HP1BP3: variants seen among roughly 807,000 people sequenced by gnomAD.
HP1BP3 encodes the protein heterochromatin protein 1-binding protein 3.
A neutral mutation model predicts 62.5 loss-of-function variants in HP1BP3; 12 were observed. The ratio of observed to expected loss-of-function variants is 0.19; its 90% confidence interval spans 0.12 to 0.31. The LOEUF is 0.31. Ranked by LOEUF, HP1BP3 falls within the 10% of genes least tolerant of loss-of-function variation. HP1BP3 has a pLI of 1.00. For synonymous variants in HP1BP3, 260 were observed against 237.8 expected (o/e 1.09, Z -0.86); for missense variants, 502 against 651.8 (o/e 0.77, Z 2.50).
chr1:20,744,539 G>A lies in HP1BP3; in HGVS notation c.*258C>T, dbSNP rs935169555. ...GGGGGTTGGGGGAGGCAGAGAAAAA[G>A]GACAAGTATACATTACATAGTTTAG... On this transcript the variant is annotated 3_prime_UTR_variant, in exon 13 of 13. Transcript: ENST00000438032. The A allele has an allele frequency of 2.8e-5, 9 of 319,710 alleles. No individual in the cohort carries two copies. Among genetic ancestry groups the A allele is most frequent in the Admixed American group, 9.5e-5 (2 of 21,092 alleles). The allele number at this position is 319,710 out of a possible 1,614,324, so 19.8% of individuals were successfully genotyped here. A position where few individuals can be genotyped will look rare whatever the true frequency, so the allele number is the denominator to read the frequency against.
intron 1 of HP1BP3, among the ~76,000 whole-genome samples, chr1:20,780,841 A>G (rs1214435002): frequency 6.6e-6 from 1 of 152,238 alleles, no homozygotes; most frequent in Admixed American, 6.5e-5. Context: ...GGAACTTAGA[A>G]GGATAGAATA....
chr1:20,747,734 T>C (rs1224261795), intron 10 of HP1BP3, 79 bp from the exon 11 acceptor site: 4 of 785,816 alleles, frequency 5.1e-6, no homozygotes, highest in Non-Finnish European at 8.7e-6. Flanking sequence ...CAGATGCCCA[T>C]CAATTTAATA....
intron 8 of HP1BP3, among the ~76,000 whole-genome samples, chr1:20,758,262 C>T (rs1371150574): frequency 6.6e-6 from 1 of 152,162 alleles, no homozygotes; most frequent in African/African-American, 2.4e-5. Flanking sequence ...GTAAGAATAA[C>T]ATTAGTTGAA....
chr1:20,746,983 C>T (rs935839228), intron 11 of HP1BP3, among the ~76,000 whole-genome samples: 2 of 152,148 alleles, frequency 1.3e-5, no homozygotes, highest in African/African-American at 4.8e-5. Flanking sequence ...ACCACTGCTC[C>T]AGCCTGGGCG....
chr1:20,745,700 A>G, intron 11 of HP1BP3, 44 bp from the exon 12 acceptor site: 1 of 1,603,294 alleles, frequency 6.2e-7, no homozygotes, highest in Non-Finnish European at 8.5e-7. Flanking sequence ...CCCATATAAA[A>G]CAAGAAAAAT....
chr1:20,744,490 G>A lies in HP1BP3; in HGVS notation c.*307C>T. 1 of 233,384 alleles carries A rather than the reference G, an allele frequency of 4.3e-6. No homozygotes were observed. Among genetic ancestry groups the A allele is most frequent in the South Asian group, 8.3e-5 (1 of 12,074 alleles). The allele number at this position is 233,384 out of a possible 1,614,324, so 14.5% of individuals were successfully genotyped here. On this transcript the variant is annotated 3_prime_UTR_variant, in exon 13 of 13. Transcript: ENST00000438032. ...GATAAAATTGGAAGAAAAAAAAAAG[G>A]CAAAGCTGACCATAAAAACAACAGG...
intron 4 of HP1BP3, chr1:20,775,896 A>C (rs1334726194): frequency 7.7e-6 from 11 of 1,425,516 alleles, no homozygotes; most frequent in African/African-American, 1.5e-5. Flanking sequence ...CTAAAGATGT[A>C]TCTCTCAGAA....
chr1:20,764,398 C>CAA (rs1404523402), intron 8 of HP1BP3, among the ~76,000 whole-genome samples: 1 of 151,586 alleles, frequency 6.6e-6, no homozygotes, highest in African/African-American at 2.4e-5. Flanking sequence ...GGCTGGAGTG[C>CAA]AATGGCGCAA....
chr1:20,744,173 T>C lies in HP1BP3; in HGVS notation c.*624A>G, dbSNP rs940968345. 1 of 152,546 alleles carries C rather than the reference T, an allele frequency of 6.6e-6. No homozygotes were observed. The highest frequency in any genetic ancestry group is 2.4e-5 in the African/African-American group (1 of 41,392). 9.4% of individuals were successfully genotyped at this position (152,546 alleles called of 1,614,324 possible). A position where few individuals can be genotyped will look rare whatever the true frequency, so the allele number is the denominator to read the frequency against. ...TGGGCCAGTGAAAAATACCTAGAAA[T>C]TGATCAATATGAAATGTAGCCCAAA... On this transcript the variant is annotated 3_prime_UTR_variant, in exon 13 of 13. Coordinates refer to ENST00000438032, the MANE Select transcript of HP1BP3 (RefSeq NM_001372052.1).
At chr1:20,782,592 A>T (rs35225576) in intron 1 of HP1BP3, among the ~76,000 whole-genome samples, 3,086 of 150,938 alleles carry the variant, frequency 0.02, 61 homozygotes, top group Non-Finnish European at 0.027. Flanking sequence ...CAAGAAAAAA[A>T]AATAATAATT....
At chr1:20,768,556 T>C (rs1466541697) in intron 6 of HP1BP3, among the ~76,000 whole-genome samples, 2 of 152,130 alleles carry the variant, frequency 1.3e-5, no homozygotes, top group African/African-American at 4.8e-5. Context: ...TGATTCACAA[T>C]AGGCCAGGCA....
intron 8 of HP1BP3, among the ~76,000 whole-genome samples, chr1:20,759,927 C>G (rs182100175): frequency 7.3e-6 from 1 of 136,408 alleles, no homozygotes; most frequent in African/African-American, 2.8e-5. Context: ...CTTGCTCTGT[C>G]GCCCAGGCTG....
intron 8 of HP1BP3, among the ~76,000 whole-genome samples, chr1:20,762,692 A>G (rs1205277523): frequency 6.6e-6 from 1 of 152,002 alleles, no homozygotes; most frequent in Non-Finnish European, 1.5e-5. Flanking sequence ...CCCCTCCCTG[A>G]TTTGAGTTGT....
chr1:20,756,977 T>TG (rs910775051), intron 9 of HP1BP3, among the ~76,000 whole-genome samples, 189 bp downstream of exon 9: 1 of 152,206 alleles, frequency 6.6e-6, no homozygotes, highest in Non-Finnish European at 1.5e-5. Context: ...CCCAAAGTGC[T>TG]GGGATTACAG....
intron 12 of HP1BP3, 81 bp downstream of exon 12, chr1:20,745,462 C>G: frequency 6.7e-7 from 1 of 1,495,416 alleles, no homozygotes; most frequent in Non-Finnish European, 8.9e-7. Flanking sequence ...TGCTTTTTAG[C>G]TTTAGCCCCT....
intron 9 of HP1BP3, among the ~76,000 whole-genome samples, chr1:20,754,191 G>T (rs553917816): frequency 1.3e-5 from 2 of 152,338 alleles, no homozygotes; most frequent in South Asian, 2.1e-4. Flanking sequence ...CAAATCGATT[G>T]TATTTCTACA....
chr1:20,783,443 T>C (rs924640258), intron 1 of HP1BP3, among the ~76,000 whole-genome samples: 4 of 151,798 alleles, frequency 2.6e-5, no homozygotes, highest in African/African-American at 9.7e-5. Context: ...CACTTGAACC[T>C]GGGAGGCGGA....
intron 1 of HP1BP3, among the ~76,000 whole-genome samples, chr1:20,785,597 T>C (rs987497602): frequency 1.3e-5 from 2 of 152,216 alleles, no homozygotes; most frequent in African/African-American, 2.4e-5. Context: ...AGTGTCTGTT[T>C]TGGGCATAGA....
chr1:20,784,266 G>A (rs961467810), intron 1 of HP1BP3, among the ~76,000 whole-genome samples: 3 of 152,018 alleles, frequency 2.0e-5, no homozygotes, highest in African/African-American at 7.3e-5. Context: ...CACTGCATCT[G>A]ACCCAGTGTA....
Sources: allele counts gnomAD v4.1 joint callset (sites outside exome capture counted in the v4.1 genomes callset), GRCh38; gene constraint gnomAD v4.1.1; transcripts MANE v1.5; gene names NCBI Gene and HGNC (gene_info 2026-07-23, HGNC 2026-07-21).